PCDHGA7: variants seen among roughly 807,000 people sequenced by gnomAD.
The protein encoded by PCDHGA7 is protocadherin gamma-A7.
A neutral mutation model predicts 58.3 loss-of-function variants in PCDHGA7; 44 were observed. The observed-to-expected ratio is 0.75, with a 90% CI of 0.59 to 0.97. The LOEUF (loss-of-function observed/expected upper bound fraction) is 0.97. PCDHGA7 is among the 50% of genes least tolerant of loss of function. The pLI is 0.00. For synonymous variants in PCDHGA7, 516 were observed against 504.2 expected, an observed-to-expected ratio of 1.02 and a Z score of -0.31; for missense variants, 1,266 against 1,188.7, an observed-to-expected ratio of 1.06 and a Z score of -0.96.
At chr5:141,426,507 C>G in intron 1 of PCDHGA7, 1 of 342,512 alleles carries the variant, frequency 2.9e-6, no homozygotes, top group Non-Finnish European at 5.8e-6. Context: ...AGAAACAATA[C>G]TTTACCGTGA....
chr5:141,411,573 GA>G (rs2095500797), intron 1 of PCDHGA7: 1 of 152,244 alleles, frequency 6.6e-6, no homozygotes, highest in Middle Eastern at 3.4e-3. Flanking sequence ...GACAGAGTGC[GA>G]CCCTGTCTCT....
intron 1 of PCDHGA7, among the ~76,000 whole-genome samples, chr5:141,460,003 A>AG (rs1177398494): frequency 6.6e-6 from 1 of 152,186 alleles, no homozygotes; most frequent in African/African-American, 2.4e-5. Context: ...GCTTGAACCC[A>AG]GGAGGCGGAG....
At chr5:141,478,449 C>A in intron 1 of PCDHGA7, 1 of 1,613,540 alleles carries the variant, frequency 6.2e-7, no homozygotes. Context: ...AAACCTGGTG[C>A]AGCCAGTCCA....
At chr5:141,465,144 T>A (rs965605798) in intron 1 of PCDHGA7, among the ~76,000 whole-genome samples, 4 of 152,008 alleles carry the variant, frequency 2.6e-5, no homozygotes, top group Admixed American at 6.6e-5. Flanking sequence ...TTAGGGGATA[T>A]ATGAAGGGAC....
intron 1 of PCDHGA7, chr5:141,391,383 G>T (rs1344096934): frequency 3.3e-5 from 5 of 150,356 alleles, no homozygotes; most frequent in African/African-American, 9.8e-5. Context: ...CACAATGATA[G>T]CTCCCTCCAG....
chr5:141,414,466 G>A, intron 1 of PCDHGA7: 1 of 1,613,872 alleles, frequency 6.2e-7, no homozygotes, highest in Non-Finnish European at 8.5e-7. Flanking sequence ...AGCCACAGAT[G>A]GGGGAAGTCC....
chr5:141,427,890 G>T lies in PCDHGA7; in HGVS notation c.2424+42567G>T, dbSNP rs1438515062. 1.9e-6 allele frequency: 3 copies of T among 1,566,844 alleles called. No homozygotes were observed. In the South Asian group the frequency reaches 3.3e-5, roughly 17 times the overall value. Reference sequence around the variant, plus strand: ...GCTCACGATGCAGGCCCACGACCAGGGCTCGCCCGCGCTCAGCGCCAACAT... The same window carrying T: ...GCTCACGATGCAGGCCCACGACCAGTGCTCGCCCGCGCTCAGCGCCAACAT... On this transcript the variant is annotated intron_variant, in intron 1 of 3. Transcript: ENST00000518325.
intron 1 of PCDHGA7, among the ~76,000 whole-genome samples, chr5:141,483,255 G>T (rs1383670642): frequency 1.3e-5 from 2 of 152,030 alleles, no homozygotes; most frequent in African/African-American, 2.4e-5. Context: ...ATATCATGAG[G>T]TTTTTTTGTT....
intron 1 of PCDHGA7, among the ~76,000 whole-genome samples, chr5:141,480,187 T>TGAGGCCAGCAGTTC (rs2099513839): frequency 6.6e-6 from 1 of 151,380 alleles, no homozygotes; most frequent in Admixed American, 6.6e-5. Context: ...GCGGATTGCT[T>TGAGGCCAGCAGTTC]GAGGCCAGCA....
At chr5:141,501,628 C>T (rs1217355708) in intron 2 of PCDHGA7, among the ~76,000 whole-genome samples, 1 of 152,112 alleles carries the variant, frequency 6.6e-6, no homozygotes, top group Non-Finnish European at 1.5e-5. Flanking sequence ...TATAGTCTCT[C>T]AACCTCTCTG....
At chr5:141,388,685 G>A (rs2091454291) in intron 1 of PCDHGA7, 5 of 1,613,932 alleles carry the variant, frequency 3.1e-6, no homozygotes, top group East Asian at 2.2e-5. Flanking sequence ...TGACTGCCAC[G>A]GACCAGGATG....
chr5:141,428,194 T>C (rs2097123409), intron 1 of PCDHGA7: 1 of 1,414,108 alleles, frequency 7.1e-7, no homozygotes, highest in Admixed American at 1.8e-5. Flanking sequence ...CGCCGCTCTC[T>C]GCGCCGCTAC....
intron 1 of PCDHGA7, among the ~76,000 whole-genome samples, chr5:141,456,179 A>G (rs1161415053): frequency 6.6e-6 from 1 of 151,860 alleles, no homozygotes; most frequent in Non-Finnish European, 1.5e-5. Context: ...TTACAGAATA[A>G]TTTCTTAATA....
At position 141,413,736 on chromosome 5, in the gene PCDHGA7, G is replaced by A. The variant is rs189162146; in HGVS notation, c.2424+28413G>A. The A allele has an allele frequency of 1.9e-4, 309 of 1,613,452 alleles. No individual in the cohort carries two copies. In the African/African-American group the frequency reaches 3.0e-3, roughly 16 times the overall value. On this transcript the variant is annotated intron_variant, in intron 1 of 3. Coordinates refer to ENST00000518325, the MANE Select transcript of PCDHGA7 (RefSeq NM_018920.4). Reference sequence around the variant, plus strand: ...ATAAGCACTTCTCCCTAAGAGTTCAGAGCCGTGCCAATGGCGTCAAGTACC... The same window carrying A: ...ATAAGCACTTCTCCCTAAGAGTTCAAAGCCGTGCCAATGGCGTCAAGTACC...
chr5:141,402,843 G>C (rs1370040306), intron 1 of PCDHGA7: 5 of 1,399,114 alleles, frequency 3.6e-6, no homozygotes, highest in Non-Finnish European at 4.7e-6. Flanking sequence ...GCAAAACTCA[G>C]CCTCTTTCTT....
rs139153105 is a variant in PCDHGA7 at position 141,432,400 on chromosome 5, G to T, written c.2424+47077G>T. 3.1e-6 allele frequency: 5 copies of T among 1,614,122 alleles called. No homozygotes were observed. In the African/African-American group the frequency reaches 4.0e-5, roughly 13 times the overall value. ...ACCCGCCCCTCAGCAGCAACGTGTC[G>T]TTGAGCCTGTTCGTGCTGGACCAGA... On this transcript the variant is annotated intron_variant, in intron 1 of 3. Transcript: ENST00000518325. The surrounding 1 kb of genome is among the most constrained non-coding windows in gnomAD (Gnocchi z 6.0).
chr5:141,408,824 C>T, intron 1 of PCDHGA7: 1 of 1,613,560 alleles, frequency 6.2e-7, no homozygotes, highest in South Asian at 1.1e-5. Context: ...ACAGAGATCT[C>T]ATAGCTTGAT....
chr5:141,384,152 A>G lies in PCDHGA7; in HGVS notation c.1253A>G (p.Tyr418Cys). ...TTGGACCGGGAAACACTCTCTTTGT[A>G]TAACATCACACTGAAAGCCACAGAT... Reference protein sequence around the residue: ...KNLDRETLSLYNITLKATDGG... With the variant: ...KNLDRETLSLCNITLKATDGG... Residue 418 changes from tyrosine to cysteine, a missense_variant, in exon 1 of 4, where the codon TAT (tyrosine) becomes TGT (cysteine). Tyr to Cys is a radical substitution (Grantham distance 194). Transcript: ENST00000518325. The G allele has an allele frequency of 2.5e-6, 4 of 1,613,508 alleles. No homozygotes were observed. Among genetic ancestry groups the G allele is most frequent in the Non-Finnish European group, 3.4e-6 (4 of 1,179,716 alleles).
chr5:141,388,592 T>C (rs1435796614), intron 1 of PCDHGA7: 1 of 1,613,880 alleles, frequency 6.2e-7, no homozygotes, highest in Non-Finnish European at 8.5e-7. Context: ...CTGATGCCAA[T>C]GATAATGCTC....
Sources: gnomAD v4.1 joint callset for allele counts (sites outside exome capture counted in the v4.1 genomes callset) on GRCh38, gnomAD v4.1.1 for gene constraint, Gnocchi (gnomAD v3.1) non-coding constraint, MANE v1.5 for transcripts, NCBI Gene and HGNC (gene_info 2026-07-23, HGNC 2026-07-21) for gene names.